PRR16: variants seen among roughly 807,000 people sequenced by gnomAD.
PRR16 encodes protein Largen.
In PRR16, 6 loss-of-function variants were observed where a neutral mutation model predicts 18.2. That is an observed-to-expected ratio of 0.33 (90% confidence interval 0.18 to 0.65). PRR16 has a LOEUF of 0.65. PRR16 is among the 30% of genes least tolerant of loss of function. The pLI is 0.74. For missense variants in PRR16, 412 were observed against 376.6 expected, an observed-to-expected ratio of 1.09 and a Z score of -0.78; for synonymous variants, 151 against 147.8, an observed-to-expected ratio of 1.02 and a Z score of -0.16.
intron 1 of PRR16, among the ~76,000 whole-genome samples, chr5:120,496,185 T>G (rs959476559): frequency 6.6e-6 from 1 of 152,052 alleles, no homozygotes; most frequent in African/African-American, 2.4e-5. Context: ...TCAATTCTAT[T>G]TGGTAAAAAC....
intron 1 of PRR16, among the ~76,000 whole-genome samples, chr5:120,678,163 C>T (rs1011476494): frequency 2.0e-5 from 3 of 152,106 alleles, no homozygotes; most frequent in African/African-American, 7.2e-5. Flanking sequence ...CCTGCCTCGG[C>T]CTCCCAAAGT....
chr5:120,670,770 T>G (rs1392017287), intron 1 of PRR16, among the ~76,000 whole-genome samples: 3 of 152,180 alleles, frequency 2.0e-5, no homozygotes, highest in Non-Finnish European at 4.4e-5. Context: ...TCTCAAGTTG[T>G]GGAGGATATT....
the PRR16 span, among the ~76,000 whole-genome samples, chr5:120,738,220 C>T: frequency 1.3e-5 from 2 of 151,984 alleles, no homozygotes; most frequent in Admixed American, 1.3e-4. Flanking sequence ...AGCATTGCTC[C>T]TATCAGTAAT....
intron 1 of PRR16, among the ~76,000 whole-genome samples, chr5:120,490,914 T>G (rs930886124): frequency 2.0e-5 from 3 of 152,124 alleles, no homozygotes; most frequent in African/African-American, 7.2e-5. Flanking sequence ...TTGCTGGAGG[T>G]CCACTCCAGA....
the PRR16 span, among the ~76,000 whole-genome samples, chr5:120,757,606 GTTA>G: frequency 6.6e-6 from 1 of 151,766 alleles, no homozygotes; most frequent in South Asian, 2.1e-4. Context: ...TTATTTTGTC[GTTA>G]TTATATGATT....
intron 1 of PRR16, among the ~76,000 whole-genome samples, chr5:120,543,806 C>T (rs1007260472): frequency 1.3e-5 from 2 of 152,202 alleles, no homozygotes; most frequent in East Asian, 3.9e-4. Flanking sequence ...GTGAGGAGAA[C>T]TTACTTCTCA....
intron 1 of PRR16, among the ~76,000 whole-genome samples, chr5:120,599,502 C>T (rs1203949698): frequency 1.3e-5 from 2 of 151,672 alleles, no homozygotes; most frequent in Admixed American, 6.6e-5. Context: ...ATTTATTGAC[C>T]TCTCCTCTGA....
chr5:120,625,397 A>G (rs1352161329), intron 1 of PRR16, among the ~76,000 whole-genome samples: 2 of 152,100 alleles, frequency 1.3e-5, no homozygotes, highest in Non-Finnish European at 1.5e-5. Context: ...TGACATAATC[A>G]CAACTCAATG....
chr5:120,778,418 G>A, the PRR16 span, among the ~76,000 whole-genome samples: 8 of 152,098 alleles, frequency 5.3e-5, no homozygotes, highest in Non-Finnish European at 1.2e-4. Flanking sequence ...TTTGCCTAAA[G>A]AGAAAAACAT....
intron 1 of PRR16, among the ~76,000 whole-genome samples, chr5:120,468,175 A>G (rs1280965368): frequency 6.6e-6 from 1 of 152,194 alleles, no homozygotes; most frequent in East Asian, 1.9e-4. Flanking sequence ...TTGATGAAGA[A>G]ATAAGCTTAA....
intron 1 of PRR16, among the ~76,000 whole-genome samples, chr5:120,508,014 A>C (rs774144581): frequency 6.6e-6 from 1 of 152,100 alleles, no homozygotes; most frequent in Non-Finnish European, 1.5e-5. Flanking sequence ...TGCCCACTAA[A>C]TAACTATATT....
At chr5:120,560,216 A>C (rs891195822) in intron 1 of PRR16, among the ~76,000 whole-genome samples, 19 of 151,820 alleles carry the variant, frequency 1.3e-4, no homozygotes, top group African/African-American at 4.6e-4. Flanking sequence ...CATGCTCCAG[A>C]TCTTAGAGGA....
chr5:120,633,929 C>G (rs1755143869), intron 1 of PRR16, among the ~76,000 whole-genome samples: 1 of 152,032 alleles, frequency 6.6e-6, no homozygotes, highest in Admixed American at 6.6e-5. Flanking sequence ...TTATACCCTA[C>G]AACAAGTAGA....
chr5:120,498,986 G>A (rs1429138161), intron 1 of PRR16, among the ~76,000 whole-genome samples: 6 of 151,724 alleles, frequency 4.0e-5, no homozygotes. Context: ...GGTTGATTAT[G>A]AGGTATCTTA....
chr5:120,722,810 T>C, the PRR16 span, among the ~76,000 whole-genome samples: 1 of 148,236 alleles, frequency 6.7e-6, no homozygotes, highest in Non-Finnish European at 1.5e-5. Context: ...TTTTGTTATC[T>C]GTAAATTATG....
chr5:120,703,960 T>C, the PRR16 span, among the ~76,000 whole-genome samples: 4 of 152,188 alleles, frequency 2.6e-5, no homozygotes, highest in Non-Finnish European at 4.4e-5. Context: ...TCTCTAGGTA[T>C]TTTGGGAGCT....
chr5:120,574,768 C>A (rs917126579), intron 1 of PRR16, among the ~76,000 whole-genome samples: 4 of 149,048 alleles, frequency 2.7e-5, no homozygotes, highest in Non-Finnish European at 5.9e-5. Flanking sequence ...TGAAGACTTG[C>A]AGCAACAAGA....
intron 1 of PRR16, among the ~76,000 whole-genome samples, chr5:120,630,228 A>C (rs1339508768): frequency 6.6e-6 from 1 of 151,456 alleles, no homozygotes; most frequent in Non-Finnish European, 1.5e-5. Context: ...TATCCACTTC[A>C]TTTTGTCTTG....
the PRR16 span, among the ~76,000 whole-genome samples, chr5:120,723,955 TACAG>T: frequency 4.4e-4 from 67 of 151,396 alleles, no homozygotes; most frequent in African/African-American, 1.5e-3. Context: ...AATGAAAAAA[TACAG>T]ACAATTATGG....
Sources: gnomAD v4.1 joint callset for allele counts (sites outside exome capture counted in the v4.1 genomes callset) on GRCh38, gnomAD v4.1.1 for gene constraint, MANE v1.5 for transcripts, NCBI Gene and HGNC (gene_info 2026-07-23, HGNC 2026-07-21) for gene names.